The following RAB6A variants were observed in gnomAD, a reference collection of about 807,000 sequenced individuals.
RAB6A encodes the protein RAB6A, member RAS oncogene family, also known as ras-related protein Rab-6A.
Under a neutral mutation model 32.3 loss-of-function variants are expected in RAB6A, and 8 were observed. The ratio of observed to expected loss-of-function variants is 0.25; its 90% CI spans 0.15 to 0.45. RAB6A has a LOEUF of 0.45. RAB6A is among the 20% of genes least tolerant of loss of function. The pLI, the probability that RAB6A is intolerant of heterozygous loss-of-function variation, is 1.00. For synonymous variants in RAB6A, 73 were observed against 82.1 expected (o/e 0.89, Z 0.60); for missense variants, 104 against 249.4 (o/e 0.42, Z 3.93).
At chr11:73,716,685 G>GTGTCACAT (rs533616047) in intron 4 of RAB6A, among the ~76,000 whole-genome samples, 166 of 152,176 alleles carry the variant, frequency 1.1e-3, no homozygotes, top group Non-Finnish European at 9.6e-4. Context: ...AGATAATATG[G>GTGTCACAT]TGTCACATTG....
chr11:73,746,265 T>A (rs1946586961), intron 1 of RAB6A, among the ~76,000 whole-genome samples: 1 of 152,210 alleles, frequency 6.6e-6, no homozygotes, highest in African/African-American at 2.4e-5. Flanking sequence ...AGAATATTCA[T>A]CAATTTTTCT....
chr11:73,733,640 G>A (rs1946351324), intron 1 of RAB6A, among the ~76,000 whole-genome samples: 1 of 151,766 alleles, frequency 6.6e-6, no homozygotes, highest in Non-Finnish European at 1.5e-5. Flanking sequence ...ATATTACAAT[G>A]ACAAAATATC....
chr11:73,742,926 C>T (rs1183601670), intron 1 of RAB6A, among the ~76,000 whole-genome samples: 5 of 151,986 alleles, frequency 3.3e-5, no homozygotes, highest in East Asian at 3.9e-4. Context: ...AAAACAAATA[C>T]GAGTAAAGCC....
chr11:73,706,257 T>C (rs1342893632), intron 6 of RAB6A, among the ~76,000 whole-genome samples: 1 of 152,112 alleles, frequency 6.6e-6, no homozygotes, highest in East Asian at 1.9e-4. Context: ...GGCTCACACC[T>C]GTAATCCCAG....
chr11:73,694,883 G>A (rs761072954), intron 6 of RAB6A, among the ~76,000 whole-genome samples: 9 of 152,116 alleles, frequency 5.9e-5, no homozygotes, highest in Non-Finnish European at 1.3e-4. Flanking sequence ...GGGCATGGTG[G>A]CACACGCGTG....
intron 1 of RAB6A, among the ~76,000 whole-genome samples, chr11:73,736,070 G>A (rs1409043913): frequency 6.6e-6 from 1 of 151,544 alleles, no homozygotes; most frequent in Admixed American, 6.6e-5. Context: ...ATAATCCTCT[G>A]ACCTTAGCCT....
intron 6 of RAB6A, chr11:73,704,057 G>T: frequency 6.2e-6 from 1 of 160,936 alleles, no homozygotes. Context: ...TCTAACATCA[G>T]ATTATGGTAA....
At chr11:73,690,693 A>G (rs1037982278) in intron 6 of RAB6A, among the ~76,000 whole-genome samples, 1 of 114,944 alleles carries the variant, frequency 8.7e-6, no homozygotes, top group Non-Finnish European at 1.9e-5. Flanking sequence ...ACCATGTAAC[A>G]TCTTAAAAAA....
intron 1 of RAB6A, among the ~76,000 whole-genome samples, chr11:73,752,837 T>G (rs1199399381): frequency 6.7e-6 from 1 of 148,602 alleles, no homozygotes; most frequent in African/African-American, 2.5e-5. Flanking sequence ...AAAAAAAAAA[T>G]TAAAATGATA....
At chr11:73,747,100 G>A (rs1373274762) in intron 1 of RAB6A, among the ~76,000 whole-genome samples, 1 of 151,344 alleles carries the variant, frequency 6.6e-6, no homozygotes, top group Non-Finnish European at 1.5e-5. Flanking sequence ...CCATACGACT[G>A]TTTTAACATT....
intron 1 of RAB6A, among the ~76,000 whole-genome samples, chr11:73,758,561 T>A (rs1041239494): frequency 6.6e-6 from 1 of 151,962 alleles, no homozygotes; most frequent in South Asian, 2.1e-4. Flanking sequence ...TTAAACAAGG[T>A]ACGAAATTAG....
Position 73,725,378 on chromosome 11 carries a change from T to C in RAB6A, c.130-4479A>G, listed in dbSNP as rs77878616. Among the ~76,000 whole-genome samples, 829 of 152,326 alleles carry C rather than the reference T, an allele frequency of 5.4e-3. 8 individuals carry two copies. Among genetic ancestry groups the C allele is most frequent in the African/African-American group, 0.018 (756 of 41,558 alleles). ...GACTGGGTTCATAACACGAATTTTG[T>C]CAAGCATATGTGATTGAACCAAAGA... On this transcript the variant is annotated intron_variant, in intron 2 of 7. Coordinates refer to ENST00000336083, the MANE Select transcript of RAB6A (RefSeq NM_198896.2).
intron 6 of RAB6A, among the ~76,000 whole-genome samples, chr11:73,683,316 C>G (rs903742450): frequency 2.1e-5 from 3 of 142,736 alleles, no homozygotes; most frequent in African/African-American, 7.9e-5. Flanking sequence ...AGTGCAGTGG[C>G]ACAATCATGG....
intron 2 of RAB6A, among the ~76,000 whole-genome samples, chr11:73,726,581 CAAAAAAAAAAA>C (rs60281561): frequency 3.3e-5 from 1 of 29,862 alleles, no homozygotes; most frequent in South Asian, 3.0e-3. Context: ...GACTCTGTCT[CAAAAAAAAAAA>C]AAAAAAAAAA....
At chr11:73,692,057 G>A (rs1376284388) in intron 6 of RAB6A, among the ~76,000 whole-genome samples, 1 of 152,062 alleles carries the variant, frequency 6.6e-6, no homozygotes. Context: ...CCTATTGAAC[G>A]TTAATTGTCA....
At chr11:73,684,939 T>C (rs1945418551) in intron 6 of RAB6A, among the ~76,000 whole-genome samples, 2 of 152,220 alleles carry the variant, frequency 1.3e-5, no homozygotes, top group South Asian at 4.1e-4. Flanking sequence ...AGGAAGCCAC[T>C]AAAAATAGTA....
At chr11:73,751,851 A>G (rs956485991) in intron 1 of RAB6A, among the ~76,000 whole-genome samples, 11 of 152,142 alleles carry the variant, frequency 7.2e-5, no homozygotes, top group African/African-American at 2.7e-4. Flanking sequence ...CAGCAAAAAG[A>G]CTTAAAGACC....
chr11:73,742,323 A>G (rs1946510225), intron 1 of RAB6A, among the ~76,000 whole-genome samples: 1 of 151,992 alleles, frequency 6.6e-6, no homozygotes, highest in African/African-American at 2.4e-5. Context: ...ACAAAATAGA[A>G]ACAGGGTCTG....
intron 1 of RAB6A, among the ~76,000 whole-genome samples, chr11:73,744,337 C>CAAAAAAA (rs35787214): frequency 9.2e-6 from 1 of 108,150 alleles, no homozygotes; most frequent in African/African-American, 3.7e-5. Context: ...GACTCCATCT[C>CAAAAAAA]AAAAAAAAAA....
Sources: allele counts gnomAD v4.1 joint callset (sites outside exome capture counted in the v4.1 genomes callset), GRCh38; gene constraint gnomAD v4.1.1; transcripts MANE v1.5; gene names NCBI Gene and HGNC (gene_info 2026-07-23, HGNC 2026-07-21).